The following CYP2J2 variants were observed in gnomAD, a reference collection of about 807,000 sequenced individuals.
CYP2J2 encodes the protein cytochrome P450 2J2.
A neutral mutation model predicts 48.8 loss-of-function variants in CYP2J2; 41 were observed. The ratio of observed to expected loss-of-function variants is 0.84; its 90% confidence interval spans 0.66 to 1.09. The LOEUF is 1.09. Among genes scored for constraint, CYP2J2 ranks in the 50% least tolerant of loss-of-function variants. The pLI, the probability that CYP2J2 is intolerant of heterozygous loss-of-function variation, is 0.00. For missense variants in CYP2J2, 644 were observed against 617.3 expected (o/e 1.04, Z -0.46); for synonymous variants, 221 against 227.1 (o/e 0.97, Z 0.24).
At chr1:59,945,987 G>T in the CYP2J2 span, among the ~76,000 whole-genome samples, 140 of 152,324 alleles carry the variant, frequency 9.2e-4, no homozygotes, top group Non-Finnish European at 1.8e-3. Context: ...GCAAAAGCCT[G>T]CTTTAACAGT....
At chr1:59,966,014 T>C in the CYP2J2 span, among the ~76,000 whole-genome samples, 2 of 152,202 alleles carry the variant, frequency 1.3e-5, no homozygotes, top group African/African-American at 4.8e-5. Flanking sequence ...GAGTAAATTG[T>C]GAAACCATTG....
At chr1:59,924,179 G>T (rs1433555198) in intron 1 of CYP2J2, among the ~76,000 whole-genome samples, 3 of 152,124 alleles carry the variant, frequency 2.0e-5, no homozygotes, top group African/African-American at 7.2e-5. Flanking sequence ...GAAAGGAATT[G>T]TCAACCTAGA....
the CYP2J2 span, among the ~76,000 whole-genome samples, chr1:59,935,051 T>TATATATATATATATAC: frequency 1.9e-5 from 2 of 107,754 alleles, no homozygotes. Flanking sequence ...TATATATATA[T>TATATATATATATATAC]ACACAACAGA....
intron 1 of CYP2J2, 33 bp from the exon 2 acceptor site, chr1:59,916,133 T>G (rs1399956060): frequency 6.3e-7 from 1 of 1,577,908 alleles, no homozygotes; most frequent in Non-Finnish European, 8.7e-7. Flanking sequence ...CAGTTGAATA[T>G]GCACATGTCC....
At position 59,911,697 on chromosome 1, in the gene CYP2J2, C is replaced by T; in HGVS notation, c.595G>A (p.Glu199Lys). 8 of 1,613,688 alleles carry T rather than the reference C, an allele frequency of 5.0e-6. No individual in the cohort carries two copies. Among genetic ancestry groups the T allele is most frequent in the Non-Finnish European group, 6.8e-6 (8 of 1,179,704 alleles). The change falls in exon 4 of 9, where the codon GAA becomes AAA. Residue 199 changes from glutamate (E) to lysine (K), a missense_variant. Transcript: ENST00000371204. ...CAACTATCCTGGTACTCAAAGCGTT[C>T]TCCGAAGGTGATGGAGCAAATGATA... ...SNIICSITFG[E>K]RFEYQDSWFQ...
the CYP2J2 span, among the ~76,000 whole-genome samples, chr1:59,932,656 A>G: frequency 6.6e-6 from 1 of 152,044 alleles, no homozygotes; most frequent in Non-Finnish European, 1.5e-5. Context: ...GAAGAATACC[A>G]GAGAAGAGAT....
At chr1:59,953,125 A>T in the CYP2J2 span, among the ~76,000 whole-genome samples, 1 of 152,212 alleles carries the variant, frequency 6.6e-6, no homozygotes, top group African/African-American at 2.4e-5. Flanking sequence ...GCAAAAGGTC[A>T]TAGGCGAGGA....
chr1:59,931,439 GGAA>G (rs1248254342), upstream of CYP2J2, among the ~76,000 whole-genome samples: 1 of 151,624 alleles, frequency 6.6e-6, no homozygotes, highest in Non-Finnish European at 1.5e-5. Context: ...ATTTAAAAAA[GGAA>G]GAAGAAAAAA....
upstream of CYP2J2, among the ~76,000 whole-genome samples, chr1:59,930,876 G>A (rs138181638): frequency 7.7e-3 from 1,173 of 152,166 alleles, 50 homozygotes; most frequent in Admixed American, 0.071. Flanking sequence ...TAGACACTAC[G>A]TGGAAACACA....
At position 59,911,568 on chromosome 1, in the gene CYP2J2, C is replaced by T. The variant is rs751693164; in HGVS notation, c.684+40G>A. 5 of 1,430,632 alleles carry T rather than the reference C, an allele frequency of 3.5e-6. No individual in the cohort carries two copies. In the East Asian group the frequency reaches 1.3e-4, roughly 37 times the overall value. 88.6% of individuals were successfully genotyped at this position (1,430,632 alleles called of 1,614,324 possible). A position where few individuals can be genotyped will look rare whatever the true frequency, so the allele number is the denominator to read the frequency against. ...ACCCATCTGTGGCTGACATCGGCCC[C>T]AATTTACTGAACAAAGATATGGAGA... On this transcript the variant is annotated intron_variant, in intron 4 of 8. Transcript: ENST00000371204.
At chr1:59,905,993 T>C (rs183050084) in intron 6 of CYP2J2, among the ~76,000 whole-genome samples, 5 of 152,272 alleles carry the variant, frequency 3.3e-5, no homozygotes, top group African/African-American at 4.8e-5. Context: ...GAGACCATCC[T>C]GGCTAACACG....
chr1:59,904,610 T>C (rs1022542944), intron 7 of CYP2J2: 50 of 406,914 alleles, frequency 1.2e-4, no homozygotes, highest in Non-Finnish European at 1.5e-4. Context: ...ATTAGCATAG[T>C]AAAAACACTG....
intron 5 of CYP2J2, among the ~76,000 whole-genome samples, chr1:59,909,493 A>AGAT (rs1393072171): frequency 6.6e-6 from 1 of 152,180 alleles, no homozygotes; most frequent in Non-Finnish European, 1.5e-5. Context: ...CTGGCTTTGA[A>AGAT]GATGAAGGAG....
At chr1:59,929,751 A>G (rs61414172), upstream of CYP2J2, among the ~76,000 whole-genome samples, 1,338 of 152,260 alleles carry the variant, frequency 8.8e-3, 18 homozygotes, top group African/African-American at 0.03. Flanking sequence ...AGAACAAACA[A>G]TCTCAGAGAA....
At chr1:59,944,372 G>A in the CYP2J2 span, among the ~76,000 whole-genome samples, 26 of 152,196 alleles carry the variant, frequency 1.7e-4, no homozygotes, top group African/African-American at 5.8e-4. Context: ...ACAGGCATGC[G>A]CCACCACGGC....
chr1:59,933,684 A>G, the CYP2J2 span, among the ~76,000 whole-genome samples: 2 of 152,184 alleles, frequency 1.3e-5, no homozygotes, highest in East Asian at 3.8e-4. Flanking sequence ...CTAAGGAGAC[A>G]AAAGATTTGT....
At chr1:59,905,858 T>A (rs1239577820) in intron 6 of CYP2J2, among the ~76,000 whole-genome samples, 1 of 152,212 alleles carries the variant, frequency 6.6e-6, no homozygotes, top group East Asian at 1.9e-4. Context: ...TCTTTTCTCT[T>A]TCTCTAGAGT....
the CYP2J2 span, among the ~76,000 whole-genome samples, chr1:59,949,806 A>ATT: frequency 1.5e-5 from 2 of 135,216 alleles, no homozygotes; most frequent in Admixed American, 7.5e-5. Context: ...CTTGCCAGGG[A>ATT]TTTTTTTTTT....
At chr1:59,960,778 G>T in the CYP2J2 span, among the ~76,000 whole-genome samples, 2 of 152,128 alleles carry the variant, frequency 1.3e-5, no homozygotes, top group Non-Finnish European at 1.5e-5. Flanking sequence ...GGGAGGCGGA[G>T]GTTGAAGTGA....
Sources: allele counts gnomAD v4.1 joint callset (sites outside exome capture counted in the v4.1 genomes callset), GRCh38; gene constraint gnomAD v4.1.1; transcripts MANE v1.5; gene names NCBI Gene and HGNC (gene_info 2026-07-23, HGNC 2026-07-21).